ERAP1: variants seen among roughly 807,000 people sequenced by gnomAD.
ERAP1 encodes adipocyte-derived leucine aminopeptidase.
Under a neutral mutation model 103.7 loss-of-function variants are expected in ERAP1, and 86 were observed. The observed-to-expected ratio is 0.83, with a 90% CI of 0.70 to 0.99. The LOEUF is 0.99. ERAP1 is among the 50% of genes least tolerant of loss of function. The probability of loss-of-function intolerance (pLI) is 0.00; values close to 1 mark genes in which losing one functional copy is unlikely to be tolerated. For missense variants in ERAP1, 1,009 were observed against 1,128.4 expected (o/e 0.89, Z 1.52); for synonymous variants, 398 against 402.4 (o/e 0.99, Z 0.13).
the ERAP1 span, among the ~76,000 whole-genome samples, chr5:96,907,961 T>A: frequency 2.6e-5 from 4 of 152,062 alleles, no homozygotes; most frequent in African/African-American, 9.7e-5. Context: ...TCAGGTGAAA[T>A]TTTTGAAAAA....
the ERAP1 span, among the ~76,000 whole-genome samples, chr5:96,831,342 C>T: frequency 1.3e-5 from 2 of 152,174 alleles, no homozygotes; most frequent in Non-Finnish European, 2.9e-5. Flanking sequence ...TCACCTCCCA[C>T]CAGGCCCCAC....
At chr5:96,883,695 T>C in the ERAP1 span, 1 of 1,239,638 alleles carries the variant, frequency 8.1e-7, no homozygotes, top group Non-Finnish European at 1.1e-6. Flanking sequence ...TCAAGTCTAT[T>C]ACCCCCAGGT....
the ERAP1 span, chr5:96,886,719 G>C: frequency 2.6e-6 from 4 of 1,554,220 alleles, no homozygotes; most frequent in African/African-American, 5.4e-5. Context: ...GTAAAAATGA[G>C]TACATACCTT....
the ERAP1 span, among the ~76,000 whole-genome samples, chr5:96,923,100 C>T: frequency 6.6e-6 from 1 of 152,090 alleles, no homozygotes; most frequent in African/African-American, 2.4e-5. Flanking sequence ...CAGCTTCCCA[C>T]GTAGTTGTGA....
chr5:96,931,218 G>A, the ERAP1 span, among the ~76,000 whole-genome samples: 4 of 150,984 alleles, frequency 2.6e-5, no homozygotes, highest in East Asian at 3.9e-4. Context: ...GTGCAGTGGT[G>A]TGATCTTGGC....
rs535517619 is a variant in ERAP1, at chr5:96,778,303, A to AG, written c.2671-1753dup. On this transcript the variant is annotated intron_variant, in intron 18 of 18. Coordinates refer to ENST00000443439, the MANE Select transcript of ERAP1 (RefSeq NM_001040458.3). Reference sequence around the variant, plus strand: ...TAAACTGCTATGAAGAAAATATGCCAGGGGTATGCTAGTAACTGAGGAGAT... The same window carrying AG: ...TAAACTGCTATGAAGAAAATATGCCAGGGGGTATGCTAGTAACTGAGGAGAT... Among the ~76,000 whole-genome samples the AG allele has an allele frequency of 8.1e-4, 123 of 152,346 alleles. 3 individuals are homozygous for AG. The East Asian group carries it at 0.018, about 22-fold the overall frequency.
chr5:96,795,013 C>A, intron 5 of ERAP1, 29 bp downstream of exon 5: 1 of 1,612,860 alleles, frequency 6.2e-7, no homozygotes, highest in South Asian at 1.1e-5. Context: ...CATCAAATGT[C>A]ATGTGTAATA....
chr5:96,907,545 G>A, the ERAP1 span, among the ~76,000 whole-genome samples: 1 of 151,418 alleles, frequency 6.6e-6, no homozygotes, highest in Admixed American at 6.6e-5. Context: ...TGCTCACACA[G>A]GTGGGAAGGA....
the ERAP1 span, among the ~76,000 whole-genome samples, chr5:96,907,689 C>T: frequency 6.6e-6 from 1 of 151,958 alleles, no homozygotes; most frequent in Non-Finnish European, 1.5e-5. Context: ...CAAGACCAGC[C>T]TGGCCAACAT....
At chr5:96,770,374 CGTT>C, downstream of ERAP1, 1 of 584,130 alleles carries the variant, frequency 1.7e-6, no homozygotes, top group Non-Finnish European at 3.1e-6. Flanking sequence ...TCTCTGACAC[CGTT>C]GTTCAAAAAA....
At chr5:96,906,347 G>T in the ERAP1 span, among the ~76,000 whole-genome samples, 2 of 152,028 alleles carry the variant, frequency 1.3e-5, no homozygotes, top group African/African-American at 4.8e-5. Flanking sequence ...GCTCACTGCA[G>T]CCTCAACCTC....
chr5:96,923,989 G>A, the ERAP1 span, among the ~76,000 whole-genome samples: 2 of 152,278 alleles, frequency 1.3e-5, no homozygotes, highest in African/African-American at 4.8e-5. Context: ...TGGTTGGGTA[G>A]GAGGAAATTA....
chr5:96,798,152 C>T (rs1168012208), intron 3 of ERAP1, among the ~76,000 whole-genome samples: 1 of 151,736 alleles, frequency 6.6e-6, no homozygotes, highest in Non-Finnish European at 1.5e-5. Context: ...GGTGGAACCC[C>T]ATCTCTACTA....
the ERAP1 span, among the ~76,000 whole-genome samples, chr5:96,895,707 A>T: frequency 2.0e-5 from 3 of 152,226 alleles, no homozygotes; most frequent in African/African-American, 4.8e-5. Context: ...TCGGCATGTA[A>T]CCTGAAATCA....
rs777225116 is a variant in ERAP1, at chr5:96,765,359, T to C, written c.2819-2131A>G. 6.1e-6 allele frequency: 5 copies of C among 820,312 alleles called. No homozygotes were observed. In the African/African-American group the frequency reaches 9.5e-5, roughly 16 times the overall value. The allele number at this position is 820,312 out of a possible 1,614,324, so 50.8% of individuals were successfully genotyped here. A position where few individuals can be genotyped will look rare whatever the true frequency, so the allele number is the denominator to read the frequency against. The stretch of plus-strand genomic sequence containing the variant: ...AAAAAAAAAAAAAAAAAAAATTCAC[T>C]AATAGTGAAATTTTAATCCTTGGGT... On this transcript the variant is annotated intron_variant, in intron 19 of 19. Transcript: ENST00000296754.
the ERAP1 span, among the ~76,000 whole-genome samples, chr5:96,843,022 G>A: frequency 6.6e-6 from 1 of 152,174 alleles, no homozygotes; most frequent in Admixed American, 6.5e-5. Context: ...GCCAGTTAAA[G>A]ATAACATCTT....
At chr5:96,846,108 C>G in the ERAP1 span, among the ~76,000 whole-genome samples, 25 of 152,170 alleles carry the variant, frequency 1.6e-4, no homozygotes, top group African/African-American at 5.8e-4. Flanking sequence ...TCTCCAGGAA[C>G]CTTGTAGGTC....
the ERAP1 span, among the ~76,000 whole-genome samples, chr5:96,925,330 A>G: frequency 1.3e-5 from 2 of 152,224 alleles, no homozygotes; most frequent in Non-Finnish European, 2.9e-5. Flanking sequence ...GAGAAAGTGA[A>G]GCTCAGGGAA....
At chr5:96,928,312 T>C in the ERAP1 span, among the ~76,000 whole-genome samples, 1 of 152,236 alleles carries the variant, frequency 6.6e-6, no homozygotes, top group East Asian at 1.9e-4. Context: ...ATCTGTTAAA[T>C]TTATAATCCC....
Sources: gnomAD v4.1 joint callset for allele counts (sites outside exome capture counted in the v4.1 genomes callset) on GRCh38, gnomAD v4.1.1 for gene constraint, MANE v1.5 for transcripts, NCBI Gene and HGNC (gene_info 2026-07-23, HGNC 2026-07-21) for gene names.